CARMIL3: variants seen among roughly 807,000 people sequenced by gnomAD.
The protein encoded by CARMIL3 is capping protein, Arp2/3 and myosin-I linker protein 3.
A neutral mutation model predicts 180.8 loss-of-function variants in CARMIL3; 88 were observed. That is an observed-to-expected ratio of 0.49 (90% CI 0.41 to 0.58). The LOEUF is 0.58. Ranked by LOEUF, CARMIL3 falls within the 20% of genes least tolerant of loss-of-function variation. CARMIL3 has a pLI of 0.00. For missense variants in CARMIL3, 1,548 were observed against 1,787.0 expected, an observed-to-expected ratio of 0.87 and a Z score of 2.41; for synonymous variants, 696 against 714.5, an observed-to-expected ratio of 0.97 and a Z score of 0.41.
At chr14:24,055,435 A>G in intron 8 of CARMIL3, 108 bp from the exon 9 acceptor site, 2 of 1,485,032 alleles carry the variant, frequency 1.3e-6, no homozygotes, top group Non-Finnish European at 9.4e-7. Flanking sequence ...TCCCATCCCC[A>G]TCTACCCATT....
rs764249126 is a variant in CARMIL3 at position 24,062,523 on chromosome 14, G to A, written c.2524G>A (p.Val842Met). Reference protein sequence around the residue: ...SVVTYLTSSIVDEILQELYHS... With the variant: ...SVVTYLTSSIMDEILQELYHS... ...CGTCACCTACCTAACCAGCTCCATAGTGGATGAGATCCTGCAAGAGCTCTA... is the reference window on the plus strand; with the variant it reads ...CGTCACCTACCTAACCAGCTCCATAATGGATGAGATCCTGCAAGAGCTCTA... The change falls in exon 28 of 40, where the codon GTG becomes ATG. Residue 842 changes from valine (V) to methionine (M), a missense_variant. Physicochemically the swap from Val to Met is conservative, Grantham distance 21 (BLOSUM62 1). This residue lies in a region of CARMIL3 where 297 missense variants were observed against 415.9 expected (regional missense o/e 0.71). Coordinates refer to ENST00000342740, the MANE Select transcript of CARMIL3 (RefSeq NM_138360.4). 2.2e-5 allele frequency: 35 copies of A among 1,614,112 alleles called. No homozygotes were observed. The highest frequency in any genetic ancestry group is 4.0e-5 in the African/African-American group (3 of 74,942).
chr14:24,063,110 A>C lies in CARMIL3; in HGVS notation c.2707-10A>C, dbSNP rs201885369. On this transcript the variant is annotated splice_polypyrimidine_tract_variant and intron_variant, in intron 29 of 39. Coordinates refer to ENST00000342740, the MANE Select transcript of CARMIL3 (RefSeq NM_138360.4). The stretch of plus-strand genomic sequence containing the variant: ...GTGCCTGGCCCTGCCACTCGTCTTC[A>C]TTTCTGCAGGACACCATGGCCATCA... 3.7e-6 allele frequency: 6 copies of C among 1,610,348 alleles called. No homozygotes were observed. In the African/African-American group the frequency reaches 6.7e-5, roughly 18 times the overall value.
chr14:24,062,239 T>C, intron 27 of CARMIL3: 1 of 578,758 alleles, frequency 1.7e-6, no homozygotes, highest in Non-Finnish European at 3.1e-6. Flanking sequence ...CTCCTTCTCC[T>C]CGAATTCCTC....
intron 30 of CARMIL3, 64 bp downstream of exon 30, chr14:24,063,247 C>T: frequency 6.3e-7 from 1 of 1,594,872 alleles, no homozygotes; most frequent in Non-Finnish European, 8.6e-7. Flanking sequence ...CCCTCTTTCC[C>T]TTGATTTTTT....
rs1468191487 is a variant in CARMIL3 at position 24,059,277 on chromosome 14, A to G, written c.1634A>G (p.Gln545Arg). 6.2e-7 allele frequency: 1 copy of G among 1,613,980 alleles called. No individual in the cohort carries two copies. The change falls in exon 21 of 40, where the codon CAG becomes CGG. Residue 545 changes from glutamine to arginine, a missense_variant. This residue lies in a region of CARMIL3 where 297 missense variants were observed against 415.9 expected (regional missense o/e 0.71). Transcript: ENST00000342740. This position sits in a 1 kb window ranked among gnomAD's most constrained non-coding sequence, Gnocchi z 6.3. ...QLIQEEDCSLQSLSVADSRLK... is the reference protein window; with the variant it reads ...QLIQEEDCSLRSLSVADSRLK... ...CGCCCCTTGCCCACACAGTCCCTGC[A>G]GTCACTGTCGGTGGCAGACTCCCGG...
At chr14:24,060,496 T>C (rs2035721795) in intron 24 of CARMIL3, 132 bp from the exon 25 acceptor site, 1 of 1,385,826 alleles carries the variant, frequency 7.2e-7, no homozygotes, top group African/African-American at 1.4e-5. Context: ...GCTGTAGCAA[T>C]GGGGACCAGG....
Position 24,069,402 on chromosome 14 carries a change from T to C in CARMIL3, c.4117T>C (p.Ter1373ArgextTer51). The C allele has an allele frequency of 6.2e-7, 1 of 1,614,078 alleles. No individual in the cohort carries two copies. The highest frequency in any genetic ancestry group is 8.5e-7 in the Non-Finnish European group (1 of 1,179,984). The change falls in exon 40 of 40, where the codon TGA becomes CGA. Residue 1373 changes from the stop codon to arginine, a stop_lost. Transcript: ENST00000342740. Reference sequence around the variant, plus strand: ...AGGAACCAGTGAGCCAGGAACAGACTGACAACTGCCACAACACCCTCCTCA... The same window carrying C: ...AGGAACCAGTGAGCCAGGAACAGACCGACAACTGCCACAACACCCTCCTCA... ...PTGTSEPGTD[*>R]
chr14:24,054,997 G>C lies in CARMIL3; in HGVS notation c.461-69G>C. 1.3e-6 allele frequency: 2 copies of C among 1,552,520 alleles called. No individual in the cohort carries two copies. The highest frequency in any genetic ancestry group is 1.1e-5 in the South Asian group (1 of 88,998). ...ACTGGCACATAAAGTGACCTTGACTGTTCTTGAACCCCAAGCCTATTCCCC... is the reference window on the plus strand; with the variant it reads ...ACTGGCACATAAAGTGACCTTGACTCTTCTTGAACCCCAAGCCTATTCCCC... On this transcript the variant is annotated intron_variant, in intron 6 of 39. Coordinates refer to ENST00000342740, the MANE Select transcript of CARMIL3 (RefSeq NM_138360.4). The surrounding 1 kb of genome is among the most constrained non-coding windows in gnomAD (Gnocchi z 5.1).
At position 24,058,920 on chromosome 14, in the gene CARMIL3, C is replaced by T. The variant is rs1205409946; in HGVS notation, c.1505C>T (p.Pro502Leu). Reference protein sequence around the residue: ...GFDSDLLTLVPALGKNKSLKH... With the variant: ...GFDSDLLTLVLALGKNKSLKH... Reference sequence around the variant, plus strand: ...GACTCGGACCTCCTGACACTGGTGCCTGCACTTGGCAAGAACAAGTCCCTC... The same window carrying T: ...GACTCGGACCTCCTGACACTGGTGCTTGCACTTGGCAAGAACAAGTCCCTC... The change falls in exon 19 of 40, where the codon CCT becomes CTT. Residue 502 changes from proline to leucine, a missense_variant. Coordinates refer to ENST00000342740, the MANE Select transcript of CARMIL3 (RefSeq NM_138360.4). This position sits in a 1 kb window ranked among gnomAD's most constrained non-coding sequence, Gnocchi z 6.4. 1.2e-6 allele frequency: 2 copies of T among 1,614,142 alleles called. No individual in the cohort carries two copies. The highest frequency in any genetic ancestry group is 1.7e-6 in the Non-Finnish European group (2 of 1,180,054).
intron 36 of CARMIL3, among the ~76,000 whole-genome samples, chr14:24,067,565 T>C (rs2035799676): frequency 6.6e-6 from 1 of 152,250 alleles, no homozygotes; most frequent in Non-Finnish European, 1.5e-5. Context: ...CTCTCCCCTG[T>C]AGTGCAGAAT....
rs1258751201 is a variant in CARMIL3 at position 24,054,811 on chromosome 14, G to A, written c.460+3G>A. The stretch of plus-strand genomic sequence containing the variant: ...ATCTACCACCCACAGTGTCTGCGGT[G>A]AGCAGGGGCAGATGTGAGGAAAGTA... On this transcript the variant is annotated splice_donor_region_variant and intron_variant, in intron 6 of 39. Coordinates refer to ENST00000342740, the MANE Select transcript of CARMIL3 (RefSeq NM_138360.4). This position sits in a 1 kb window ranked among gnomAD's most constrained non-coding sequence, Gnocchi z 5.1. The A allele has an allele frequency of 5.0e-6, 8 of 1,613,144 alleles. No individual in the cohort carries two copies. Among genetic ancestry groups the A allele is most frequent in the Non-Finnish European group, 6.8e-6 (8 of 1,179,322 alleles).
In CARMIL3 at chr14:24,061,836, C is replaced by G; in HGVS notation, c.2480+164C>G. On this transcript the variant is annotated intron_variant, in intron 27 of 39. Coordinates refer to ENST00000342740, the MANE Select transcript of CARMIL3 (RefSeq NM_138360.4). This position sits in a 1 kb window ranked among gnomAD's most constrained non-coding sequence, Gnocchi z 4.1. ...CCTTGCTATTTAGGGTCTGGCTGGT[C>G]TTTGCCCTAGAAATCTAAGTGCTGA... The G allele has an allele frequency of 2.3e-6, 2 of 859,134 alleles. No individual in the cohort carries two copies. The highest frequency in any genetic ancestry group is 3.5e-6 in the Non-Finnish European group (2 of 579,628). The allele number at this position is 859,134 out of a possible 1,614,324, so 53.2% of individuals were successfully genotyped here.
chr14:24,063,320 T>C lies in CARMIL3; in HGVS notation c.2771-5T>C. On this transcript the variant is annotated splice_region_variant and splice_polypyrimidine_tract_variant and intron_variant, in intron 30 of 39. Transcript: ENST00000342740. Reference sequence around the variant, plus strand: ...CTAGTCCCTCTAATGCTGCTGTCTTTGCAGGCGGGAGCCCTCAGGACATGG... The same window carrying C: ...CTAGTCCCTCTAATGCTGCTGTCTTCGCAGGCGGGAGCCCTCAGGACATGG... 1 of 1,593,986 alleles carries C rather than the reference T, an allele frequency of 6.3e-7. No individual in the cohort carries two copies. The highest frequency in any genetic ancestry group is 8.6e-7 in the Non-Finnish European group (1 of 1,166,094).
intron 2 of CARMIL3, 39 bp downstream of exon 2, chr14:24,053,842 G>A (rs2035643507): frequency 6.4e-7 from 1 of 1,559,142 alleles, no homozygotes. Context: ...GGAGGTGGCT[G>A]GCAAGGGCAG....
chr14:24,052,118 G>T lies in CARMIL3; in HGVS notation c.-36G>T. The T allele has an allele frequency of 6.5e-7, 1 of 1,537,938 alleles. No homozygotes were observed. Among genetic ancestry groups the T allele is most frequent in the Non-Finnish European group, 8.7e-7 (1 of 1,148,244 alleles). ...GCCGCGGCTCCCCGGCGGCGGCGGC[G>T]GCTCCTCTGCAGCAGCCTCAGCAGC... On this transcript the variant is annotated 5_prime_UTR_variant, in exon 1 of 40. Transcript: ENST00000342740.
chr14:24,058,787 G>A lies in CARMIL3; in HGVS notation c.1474+26G>A, dbSNP rs1470750020. On this transcript the variant is annotated intron_variant, in intron 18 of 39. Transcript: ENST00000342740. The surrounding 1 kb of genome is among the most constrained non-coding windows in gnomAD (Gnocchi z 6.4). The stretch of plus-strand genomic sequence containing the variant: ...GTGAGTAGTGGTTCCTCCCTTCCCT[G>A]GGGCCAGGGGAGAACAGGGGCCTGG... The A allele has an allele frequency of 1.2e-6, 2 of 1,613,694 alleles. No individual in the cohort carries two copies. The highest frequency in any genetic ancestry group is 2.7e-5 in the African/African-American group (2 of 75,020).
intron 27 of CARMIL3, chr14:24,062,010 C>T (rs2035737950): frequency 3.0e-6 from 1 of 329,636 alleles, no homozygotes; most frequent in African/African-American, 2.1e-5. Flanking sequence ...TGTCTTCCTC[C>T]CAGTTTTCAT....
At position 24,059,959 on chromosome 14, in the gene CARMIL3, G is replaced by A. The variant is rs574826347; in HGVS notation, c.1869-11G>A. 2.0e-5 allele frequency: 33 copies of A among 1,613,676 alleles called. No homozygotes were observed. The highest frequency in any genetic ancestry group is 2.6e-5 in the Non-Finnish European group (31 of 1,179,804). The stretch of plus-strand genomic sequence containing the variant: ...CCTGTTCCCACCCAGCTGTGCCCCT[G>A]TGTCCCACAGCAACCACACGCTGCG... On this transcript the variant is annotated splice_polypyrimidine_tract_variant and intron_variant, in intron 22 of 39. Coordinates refer to ENST00000342740, the MANE Select transcript of CARMIL3 (RefSeq NM_138360.4). The surrounding 1 kb of genome is among the most constrained non-coding windows in gnomAD (Gnocchi z 6.3).
Position 24,066,470 on chromosome 14 carries a change from A to C in CARMIL3, c.3592+6A>C. The C allele has an allele frequency of 1.2e-6, 2 of 1,614,130 alleles. No homozygotes were observed. The highest frequency in any genetic ancestry group is 2.2e-5 in the East Asian group (1 of 44,886). Reference sequence around the variant, plus strand: ...GCGCTCTTCAGACGACGCAGGTAAGAACAGTCACATTCAAAGCCCTTTTGG... The same window carrying C: ...GCGCTCTTCAGACGACGCAGGTAAGCACAGTCACATTCAAAGCCCTTTTGG... On this transcript the variant is annotated splice_donor_region_variant and intron_variant, in intron 35 of 39. Transcript: ENST00000342740.
Sources: allele counts gnomAD v4.1 joint callset (sites outside exome capture counted in the v4.1 genomes callset), GRCh38; gene constraint gnomAD v4.1.1; regional missense constraint gnomAD v4.1.1; non-coding constraint Gnocchi (gnomAD v3.1); transcripts MANE v1.5; gene names NCBI Gene and HGNC (gene_info 2026-07-23, HGNC 2026-07-21).